Variants in SIK3 observed in about 807,000 individuals in gnomAD.
SIK3 encodes SIK family kinase 3.
In SIK3, 28 loss-of-function variants were observed where a neutral mutation model predicts 144.2. The ratio of observed to expected loss-of-function variants is 0.19; its 90% CI spans 0.14 to 0.27. The LOEUF is 0.27. Ranked by LOEUF, SIK3 falls within the 10% of genes least tolerant of loss-of-function variation. The pLI is 1.00. For missense variants in SIK3, 1,319 were observed against 1,776.0 expected (o/e 0.74, Z 4.62); for synonymous variants, 686 against 676.3 (o/e 1.01, Z -0.22).
rs943780148 is a variant in SIK3, at chr11:116,867,695, G to A, written c.1952+251C>T. The A allele has an allele frequency of 2.8e-6, 1 of 360,890 alleles. No homozygotes were observed. Among genetic ancestry groups the A allele is most frequent in the Admixed American group, 4.4e-5 (1 of 22,614 alleles). 22.4% of individuals were successfully genotyped at this position (360,890 alleles called of 1,614,324 possible). A position where few individuals can be genotyped will look rare whatever the true frequency, so the allele number is the denominator to read the frequency against. The stretch of plus-strand genomic sequence containing the variant: ...CTATGAATCAACATCTAGAATCATG[G>A]GAATCAAATGCAGACAATAAACAGG... On this transcript the variant is annotated intron_variant, in intron 15 of 24. Coordinates refer to ENST00000445177, the MANE Select transcript of SIK3 (RefSeq NM_001366686.3). This position sits in a 1 kb window ranked among gnomAD's most constrained non-coding sequence, Gnocchi z 4.1.
At chr11:117,062,729 A>G (rs1953850772) in intron 1 of SIK3, among the ~76,000 whole-genome samples, 2 of 152,228 alleles carry the variant, frequency 1.3e-5, no homozygotes, top group South Asian at 2.1e-4. Context: ...CTAAGTGTGG[A>G]AAAAGTGCAT....
At chr11:116,900,590 C>T (rs1044384783) in intron 4 of SIK3, among the ~76,000 whole-genome samples, 2 of 152,232 alleles carry the variant, frequency 1.3e-5, no homozygotes, top group African/African-American at 4.8e-5. Flanking sequence ...TTATCCCTGG[C>T]CATGCTAGCA....
At chr11:117,093,148 A>G (rs1303796317) in intron 1 of SIK3, among the ~76,000 whole-genome samples, 2 of 152,228 alleles carry the variant, frequency 1.3e-5, no homozygotes, top group Non-Finnish European at 2.9e-5. Context: ...TATCTAATGT[A>G]AATTCTGCTT....
At chr11:116,972,225 T>C (rs569178494) in intron 1 of SIK3, among the ~76,000 whole-genome samples, 55 of 152,150 alleles carry the variant, frequency 3.6e-4, no homozygotes, top group Non-Finnish European at 7.5e-4. Context: ...GCCCTGGATA[T>C]ACAGTACTGA....
chr11:117,041,297 T>C (rs1239336958), intron 1 of SIK3, among the ~76,000 whole-genome samples: 1 of 152,170 alleles, frequency 6.6e-6, no homozygotes, highest in East Asian at 1.9e-4. Flanking sequence ...TGCATTTATA[T>C]AGACCAGCTT....
chr11:117,011,574 G>C (rs1010208890), intron 1 of SIK3, among the ~76,000 whole-genome samples: 7 of 152,108 alleles, frequency 4.6e-5, no homozygotes, highest in Non-Finnish European at 8.8e-5. Flanking sequence ...GATTTACAAA[G>C]AATTCAGTAC....
chr11:116,991,814 C>G (rs1950508417), intron 1 of SIK3, among the ~76,000 whole-genome samples: 1 of 152,126 alleles, frequency 6.6e-6, no homozygotes, highest in Admixed American at 6.5e-5. Flanking sequence ...TCTCCTATCA[C>G]CAGGTCTATG....
At chr11:116,903,504 C>T (rs1219276712) in intron 4 of SIK3, among the ~76,000 whole-genome samples, 1 of 152,112 alleles carries the variant, frequency 6.6e-6, no homozygotes, top group Non-Finnish European at 1.5e-5. Context: ...TCTCATAACA[C>T]AAATTCAAGC....
intron 1 of SIK3, among the ~76,000 whole-genome samples, chr11:116,996,735 G>C (rs1441374625): frequency 6.9e-6 from 1 of 144,612 alleles, no homozygotes; most frequent in African/African-American, 2.6e-5. Context: ...CATAGGAATC[G>C]CTTGAACTCG....
chr11:116,844,677 T>TAATATATATATACACATA lies in SIK3; in HGVS notation c.*965_*966insTATGTGTATATATATATT, dbSNP rs1322423208. 10 of 100,572 alleles carry TAATATATATATACACATA rather than the reference T, an allele frequency of 9.9e-5. No individual in the cohort carries two copies. The highest frequency in any genetic ancestry group is 4.1e-4 in the African/African-American group (10 of 24,528). 6.2% of individuals were successfully genotyped at this position (100,572 alleles called of 1,614,324 possible). ...TATATAATATATATATACACATATATTATATTATATATATACACACATATA... is the reference window on the plus strand; with the variant it reads ...TATATAATATATATATACACATATATAATATATATATACACATATATATTATATATATACACACATATA... On this transcript the variant is annotated 3_prime_UTR_variant, in exon 25 of 25. Transcript: ENST00000445177.
chr11:117,055,140 T>G (rs1422506223), intron 1 of SIK3, among the ~76,000 whole-genome samples: 1 of 152,176 alleles, frequency 6.6e-6, no homozygotes, highest in Non-Finnish European at 1.5e-5. Flanking sequence ...ACAGAAAGAC[T>G]CTGACTTTAG....
At chr11:116,900,650 C>A (rs1300242072) in intron 4 of SIK3, among the ~76,000 whole-genome samples, 7 of 152,108 alleles carry the variant, frequency 4.6e-5, no homozygotes, top group Non-Finnish European at 1.0e-4. Context: ...CATGCTATTT[C>A]CTCTCTGTAC....
intron 1 of SIK3, among the ~76,000 whole-genome samples, chr11:117,037,754 G>A (rs1335300572): frequency 6.6e-6 from 1 of 151,580 alleles, no homozygotes; most frequent in Admixed American, 6.6e-5. Flanking sequence ...CAGTTTCCAA[G>A]GCAGAAAAAA....
intron 1 of SIK3, among the ~76,000 whole-genome samples, chr11:117,075,238 CTT>C (rs1954461202): frequency 6.6e-6 from 1 of 152,186 alleles, no homozygotes; most frequent in Non-Finnish European, 1.5e-5. Context: ...GTATTTCACT[CTT>C]CTTTAGCTTT....
At chr11:116,964,541 C>T (rs543671044) in intron 1 of SIK3, among the ~76,000 whole-genome samples, 1 of 152,130 alleles carries the variant, frequency 6.6e-6, no homozygotes, top group Non-Finnish European at 1.5e-5. Context: ...AAGGGTCAGG[C>T]AGCTTTCAAT....
chr11:116,935,040 G>A (rs547373060), intron 3 of SIK3, among the ~76,000 whole-genome samples: 7 of 151,930 alleles, frequency 4.6e-5, no homozygotes, highest in East Asian at 3.9e-4. Flanking sequence ...AGCCGAGATC[G>A]TGCCACTGCA....
At chr11:116,862,569 A>G (rs1359307950) in intron 16 of SIK3, among the ~76,000 whole-genome samples, 5 of 152,262 alleles carry the variant, frequency 3.3e-5, no homozygotes, top group African/African-American at 2.4e-5. Flanking sequence ...CAAGTGTCCA[A>G]TGTGAAATCT....
chr11:116,984,440 C>T (rs151052339), intron 1 of SIK3, among the ~76,000 whole-genome samples: 6 of 152,310 alleles, frequency 3.9e-5, no homozygotes, highest in Admixed American at 1.3e-4. Context: ...CTATAAGCAG[C>T]ATGCGTTTCC....
intron 19 of SIK3, among the ~76,000 whole-genome samples, chr11:116,860,801 G>A (rs879844489): frequency 1.3e-5 from 2 of 152,164 alleles, no homozygotes; most frequent in Admixed American, 1.3e-4. Flanking sequence ...GAGGCGACTG[G>A]ATCACGGGGC....
Sources: gnomAD v4.1 joint callset for allele counts (sites outside exome capture counted in the v4.1 genomes callset) on GRCh38, gnomAD v4.1.1 for gene constraint, Gnocchi (gnomAD v3.1) non-coding constraint, MANE v1.5 for transcripts, NCBI Gene and HGNC (gene_info 2026-07-23, HGNC 2026-07-21) for gene names.